Variants in CECR2 observed in about 807,000 individuals in gnomAD.
CECR2 encodes CECR2 histone acetyl-lysine reader.
A neutral mutation model predicts 154.5 loss-of-function variants in CECR2; 30 were observed. The observed-to-expected ratio is 0.19, with a 90% CI of 0.15 to 0.26. The LOEUF (loss-of-function observed/expected upper bound fraction) is 0.26, where lower values mean the gene tolerates loss of function less well. CECR2 is among the 10% of genes least tolerant of loss of function. The probability of loss-of-function intolerance (pLI) is 1.00; values close to 1 mark genes in which losing one functional copy is unlikely to be tolerated. For synonymous variants in CECR2, 725 were observed against 683.7 expected (o/e 1.06, Z -0.94); for missense variants, 1,743 against 1,829.3 (o/e 0.95, Z 0.86).
chr22:17,373,224 G>A (rs1407094051), intron 1 of CECR2, among the ~76,000 whole-genome samples: 4 of 151,902 alleles, frequency 2.6e-5, no homozygotes, highest in African/African-American at 9.7e-5. Context: ...CAGCACACCC[G>A]GCTAATTTTT....
intron 5 of CECR2, 63 bp downstream of exon 5, chr22:17,500,798 C>G: frequency 8.4e-7 from 1 of 1,185,244 alleles, no homozygotes; most frequent in Non-Finnish European, 1.2e-6. Context: ...TTCATTTATT[C>G]CTTTTTCTTT....
chr22:17,492,144 A>G (rs901287536), intron 2 of CECR2, among the ~76,000 whole-genome samples: 1 of 152,208 alleles, frequency 6.6e-6, no homozygotes, highest in Admixed American at 6.5e-5. Context: ...GCCTGTGTGT[A>G]CATGTATTTC....
chr22:17,405,186 G>C (rs553223950), intron 1 of CECR2, among the ~76,000 whole-genome samples: 84 of 152,252 alleles, frequency 5.5e-4, no homozygotes, highest in African/African-American at 1.9e-3. Flanking sequence ...GAGGCAGGCG[G>C]ATCACCTGAG....
intron 1 of CECR2, 34 bp from the exon 2 acceptor site, chr22:17,477,550 CTGTT>C (rs749789668): frequency 2.9e-6 from 4 of 1,361,142 alleles, no homozygotes; most frequent in East Asian, 2.3e-5. Flanking sequence ...TAAGAAATCT[CTGTT>C]TGATTTCTCA....
intron 1 of CECR2, among the ~76,000 whole-genome samples, chr22:17,462,237 T>C (rs887727226): frequency 9.9e-5 from 15 of 151,798 alleles, no homozygotes; most frequent in African/African-American, 3.1e-4. Context: ...ACCCTGTCTC[T>C]ACTAAAAATA....
rs776423644 is a variant in CECR2, at chr22:17,548,770, G to T, written c.3483G>T (p.Arg1161Ser). 1.6e-5 allele frequency: 26 copies of T among 1,613,720 alleles called. No homozygotes were observed. Among genetic ancestry groups the T allele is most frequent in the Non-Finnish European group, 2.2e-5 (26 of 1,179,852 alleles). The stretch of plus-strand genomic sequence containing the variant: ...CCCATCCCCAGCATTTTCCCCCAAG[G>T]GGCTTTCAGTCTAACCACCCACATT... ...PASHPQHFPPRGFQSNHPHSG... is the reference protein window; with the variant it reads ...PASHPQHFPPSGFQSNHPHSG... Residue 1161 changes from arginine (R) to serine (S), a missense_variant, in exon 17 of 19, where the codon AGG (arginine) becomes AGT (serine). Transcript: ENST00000262608.
At chr22:17,469,511 G>A (rs924296878) in intron 1 of CECR2, among the ~76,000 whole-genome samples, 1 of 152,062 alleles carries the variant, frequency 6.6e-6, no homozygotes, top group African/African-American at 2.4e-5. Context: ...AAGCAGGGGG[G>A]ATGATTACTG....
intron 9 of CECR2, among the ~76,000 whole-genome samples, chr22:17,530,184 A>G (rs531543514): frequency 1.6e-3 from 230 of 145,114 alleles, no homozygotes; most frequent in Non-Finnish European, 2.8e-3. Flanking sequence ...TTTTTTTTTC[A>G]AAACTCCTGT....
rs1179649142 is a variant in CECR2, at chr22:17,540,760, G to A, written c.1844G>A (p.Cys615Tyr). 6.3e-7 allele frequency: 1 copy of A among 1,599,830 alleles called. No individual in the cohort carries two copies. Among genetic ancestry groups the A allele is most frequent in the Non-Finnish European group, 8.5e-7 (1 of 1,173,216 alleles). ...CGAGGTTTTTCTCATCCCCTGCATT[G>A]TGGTGGGACACCCAGCCAGGCACCC... ...NGRGFSHPLH[C>Y]GGTPSQAPFL... The change falls in exon 14 of 19, where the codon TGT (cysteine) becomes TAT (tyrosine). Residue 615 changes from cysteine to tyrosine, a missense_variant. By Grantham distance (194) the Cys-to-Tyr change is radical (BLOSUM62 -2). Coordinates refer to ENST00000262608, the MANE Select transcript of CECR2 (RefSeq NM_001290047.2).
intron 2 of CECR2, among the ~76,000 whole-genome samples, chr22:17,486,020 C>T (rs934259060): frequency 2.6e-5 from 4 of 152,148 alleles, no homozygotes; most frequent in Admixed American, 6.5e-5. Flanking sequence ...CACTCTTCAG[C>T]GCAGTCTTGA....
intron 16 of CECR2, 111 bp downstream of exon 16, chr22:17,543,114 T>A: frequency 7.7e-7 from 1 of 1,297,394 alleles, no homozygotes; most frequent in Non-Finnish European, 1.0e-6. Flanking sequence ...TTTCTTTGTT[T>A]ATTTTTTGGT....
chr22:17,536,458 GAAGA>G (rs2056438697), intron 9 of CECR2, among the ~76,000 whole-genome samples: 1 of 152,164 alleles, frequency 6.6e-6, no homozygotes, highest in Non-Finnish European at 1.5e-5. Flanking sequence ...TGGGAGCCAG[GAAGA>G]AAATCATCAT....
At chr22:17,442,272 ATGCAGATC>A (rs1040043973) in intron 1 of CECR2, among the ~76,000 whole-genome samples, 1 of 152,212 alleles carries the variant, frequency 6.6e-6, no homozygotes, top group Non-Finnish European at 1.5e-5. Context: ...TTATTAAAAA[ATGCAGATC>A]AGGCCAGGTG....
rs1202467818 is a variant in CECR2 at position 17,409,964 on chromosome 22, CTATTTATTTATT to C, written c.126+40077_126+40088del. On this transcript the variant is annotated intron_variant, in intron 1 of 18. Transcript: ENST00000262608. ...ACATATTCAATCAAGTGTTTGCTGTCTATTTATTTATTTATTTATTTATTTATTTATTTTTGA... is the reference window on the plus strand; with the variant it reads ...ACATATTCAATCAAGTGTTTGCTGTCTATTTATTTATTTATTTATTTTTGA... Among the ~76,000 whole-genome samples, 35 of 104,768 alleles carry C rather than the reference CTATTTATTTATT, an allele frequency of 3.3e-4. 4 individuals are homozygous for C. In the East Asian group the frequency reaches 6.1e-3, roughly 18 times the overall value. 68.7% of individuals were successfully genotyped at this position (104,768 alleles called of 152,430 possible).
chr22:17,527,976 C>G (rs1429193185), intron 9 of CECR2, among the ~76,000 whole-genome samples: 1 of 152,072 alleles, frequency 6.6e-6, no homozygotes, highest in Non-Finnish European at 1.5e-5. Flanking sequence ...AATTAGTCCC[C>G]CGCTATGGAG....
At chr22:17,517,582 A>G (rs1242226033) in intron 8 of CECR2, among the ~76,000 whole-genome samples, 4 of 152,162 alleles carry the variant, frequency 2.6e-5, no homozygotes, top group African/African-American at 4.8e-5. Context: ...CTGCTCTACA[A>G]ATTTAGCTTG....
intron 1 of CECR2, among the ~76,000 whole-genome samples, chr22:17,427,755 CTGAT>C (rs952393615): frequency 2.2e-5 from 3 of 133,540 alleles, no homozygotes; most frequent in African/African-American, 1.0e-4. Flanking sequence ...CCATGTCATG[CTGAT>C]TGGTCCATTT....
chr22:17,400,466 A>T lies in CECR2; in HGVS notation c.126+30557A>T, dbSNP rs546958630. ...GAATAAGGTTAGAGAAGCTAGGCAC[A>T]CCTGCCAACTCTCTTTATCCTTAGG... On this transcript the variant is annotated intron_variant, in intron 1 of 18. Transcript: ENST00000262608. 7.6e-4 allele frequency among the ~76,000 whole-genome samples: 115 copies of T among 152,284 alleles called. 1 individual carries two copies. The highest frequency in any genetic ancestry group is 2.7e-3 in the African/African-American group (112 of 41,550).
intron 1 of CECR2, among the ~76,000 whole-genome samples, chr22:17,474,399 A>G (rs1302105642): frequency 6.6e-6 from 1 of 152,230 alleles, no homozygotes; most frequent in Non-Finnish European, 1.5e-5. Context: ...GAGTTGGAAT[A>G]TTTAATAAGT....
Sources: allele counts gnomAD v4.1 joint callset (sites outside exome capture counted in the v4.1 genomes callset), GRCh38; gene constraint gnomAD v4.1.1; transcripts MANE v1.5; gene names NCBI Gene and HGNC (gene_info 2026-07-23, HGNC 2026-07-21).